The following RNF217 variants were observed in gnomAD, a reference collection of about 807,000 sequenced individuals.
RNF217 encodes the protein ring finger protein 217.
In RNF217, 31 loss-of-function variants were observed where a neutral mutation model predicts 57.8. The observed-to-expected ratio is 0.54, with a 90% confidence interval of 0.40 to 0.72. The LOEUF (loss-of-function observed/expected upper bound fraction) is 0.72, where lower values mean the gene tolerates loss of function less well. Ranked by LOEUF, RNF217 falls within the 30% of genes least tolerant of loss-of-function variation. The probability of loss-of-function intolerance (pLI) is 0.00; values close to 1 mark genes in which losing one functional copy is unlikely to be tolerated. For synonymous variants in RNF217, 313 were observed against 294.0 expected, an observed-to-expected ratio of 1.06 and a Z score of -0.66; for missense variants, 696 against 708.3, an observed-to-expected ratio of 0.98 and a Z score of 0.20.
At chr6:124,986,043 G>T (rs1784353845) in intron 1 of RNF217, among the ~76,000 whole-genome samples, 1 of 152,144 alleles carries the variant, frequency 6.6e-6, no homozygotes, top group South Asian at 2.1e-4. Flanking sequence ...TATAGGTCAT[G>T]AAAGCTAATT....
chr6:124,986,921 A>G (rs1360570266), intron 1 of RNF217, among the ~76,000 whole-genome samples: 2 of 152,166 alleles, frequency 1.3e-5, no homozygotes, highest in South Asian at 4.1e-4. Flanking sequence ...GTTGAACATT[A>G]ATGTTTCCTG....
At chr6:125,036,710 A>G (rs1272787629) in intron 1 of RNF217, among the ~76,000 whole-genome samples, 1 of 152,204 alleles carries the variant, frequency 6.6e-6, no homozygotes, top group East Asian at 1.9e-4. Flanking sequence ...GAAGGATATG[A>G]ACAGACACTT....
chr6:125,055,490 T>A lies in RNF217; in HGVS notation c.1117-2452T>A, dbSNP rs149664057. ...TTCACAAATGTGATAGTTCAGCACT[T>A]AATCACAAAGATCTTTGAGTCATTA... is the stretch of plus-strand genomic sequence containing the variant. On this transcript the variant is annotated intron_variant, in intron 2 of 5. Transcript: ENST00000521654. 1.8e-3 allele frequency among the ~76,000 whole-genome samples: 269 copies of A among 152,320 alleles called. 1 individual carries two copies. Among genetic ancestry groups the A allele is most frequent in the African/African-American group, 6.1e-3 (254 of 41,580 alleles).
rs775207547 is a variant in RNF217, at chr6:124,963,030, C to G, written c.486C>G (p.Val162=). 1 of 1,592,272 alleles carries G rather than the reference C, an allele frequency of 6.3e-7. No individual in the cohort carries two copies. The highest frequency in any genetic ancestry group is 1.1e-5 in the South Asian group (1 of 90,172). ...QRRPSLAKRQ[V]FCSVYCVESD... ...GCCCGTCCCTCGCCAAGAGACAAGT[C>G]TTCTGCTCCGTGTACTGCGTGGAGA... The change falls in exon 1 of 6, where the codon GTC becomes GTG. Residue 162 remains valine, a synonymous_variant. Transcript: ENST00000521654.
intron 1 of RNF217, among the ~76,000 whole-genome samples, chr6:125,030,466 A>G (rs1157746164): frequency 6.6e-6 from 1 of 152,236 alleles, no homozygotes; most frequent in Non-Finnish European, 1.5e-5. Flanking sequence ...CTTCCTAGAT[A>G]CAATGGGAAT....
At chr6:125,009,558 T>C in intron 1 of RNF217, 1 of 349,788 alleles carries the variant, frequency 2.9e-6, no homozygotes, top group Non-Finnish European at 5.1e-6. Context: ...TGTTGGTGCC[T>C]GGCAGCTGAC....
chr6:124,974,156 A>C (rs562381947), intron 1 of RNF217, among the ~76,000 whole-genome samples: 1 of 152,358 alleles, frequency 6.6e-6, no homozygotes, highest in South Asian at 2.1e-4. Flanking sequence ...TGAGGCAGTC[A>C]TAAGCCTGCC....
chr6:125,021,986 A>G (rs1383107367), intron 1 of RNF217, among the ~76,000 whole-genome samples: 1 of 152,084 alleles, frequency 6.6e-6, no homozygotes, highest in African/African-American at 2.4e-5. Context: ...GGTTCAAGCC[A>G]TTCTCCTGCC....
At position 124,963,356 on chromosome 6, in the gene RNF217, C is replaced by A; in HGVS notation, c.812C>A (p.Pro271His). The change falls in exon 1 of 6, where the codon CCC becomes CAC. Residue 271 changes from proline (P) to histidine (H), a missense_variant. Physicochemically the swap from Pro to His is moderately conservative, Grantham distance 77. This residue lies in a region of RNF217 where 465 missense variants were observed against 386.8 expected (regional missense o/e 1.20). Transcript: ENST00000521654. ...LMCRVCLEDK[P>H]IKPLPCCKKA... Reference sequence around the variant, plus strand: ...TGCCGGGTGTGCCTGGAAGACAAGCCCATCAAGCCCCTGCCTTGCTGCAAG... The same window carrying A: ...TGCCGGGTGTGCCTGGAAGACAAGCACATCAAGCCCCTGCCTTGCTGCAAG... 6.5e-7 allele frequency: 1 copy of A among 1,529,734 alleles called. No individual in the cohort carries two copies. Among genetic ancestry groups the A allele is most frequent in the Non-Finnish European group, 8.7e-7 (1 of 1,143,866 alleles). The allele number at this position is 1,529,734 out of a possible 1,614,324, so 94.8% of individuals were successfully genotyped here.
chr6:125,081,337 A>C, intron 4 of RNF217, 99 bp from the exon 5 acceptor site: 1 of 851,568 alleles, frequency 1.2e-6, no homozygotes, highest in Non-Finnish European at 1.9e-6. Context: ...CAGACTACTT[A>C]AAAAATAATA....
At chr6:124,984,707 T>C (rs911479126) in intron 1 of RNF217, among the ~76,000 whole-genome samples, 3 of 152,000 alleles carry the variant, frequency 2.0e-5, no homozygotes, top group African/African-American at 7.3e-5. Flanking sequence ...AGATGTGTAA[T>C]CAAATTTTAA....
At chr6:125,056,921 C>T (rs1308694778) in intron 2 of RNF217, among the ~76,000 whole-genome samples, 1 of 152,116 alleles carries the variant, frequency 6.6e-6, no homozygotes, top group Non-Finnish European at 1.5e-5. Context: ...AAGTGGAAGA[C>T]AGATATTCAT....
At position 125,076,636 on chromosome 6, in the gene RNF217, T is replaced by C. The variant is rs1355394488; in HGVS notation, c.1282-21T>C. 3 of 1,569,006 alleles carry C rather than the reference T, an allele frequency of 1.9e-6. No homozygotes were observed. In the African/African-American group the frequency reaches 4.1e-5, roughly 21 times the overall value. On this transcript the variant is annotated intron_variant, in intron 3 of 5. Transcript: ENST00000521654. ...AACTCAGCTAACTCTTTCCTTCTCC[T>C]TCCCTCTCTTGCTGATACAGATCCA...
rs1787060176 is a variant in RNF217 at position 125,045,444 on chromosome 6, A to G, written c.1116A>G (p.Lys372=). ...PTPSRSESKY[K]IQCPTCQFVW... is the part of the protein sequence containing the mutation. ...CTTCCAGATCAGAAAGCAAATACAA[A>G]GTAAGCATTTTCACCAGAGCTGTGG... The change falls in exon 2 of 6, where the codon AAA becomes AAG. Residue 372 remains lysine, a splice_region_variant and synonymous_variant. Transcript: ENST00000521654. The G allele has an allele frequency of 6.2e-7, 1 of 1,609,474 alleles. No homozygotes were observed. The highest frequency in any genetic ancestry group is 1.1e-5 in the South Asian group (1 of 90,748).
intron 1 of RNF217, among the ~76,000 whole-genome samples, chr6:124,969,634 T>C (rs1783686871): frequency 6.6e-6 from 1 of 152,194 alleles, no homozygotes; most frequent in African/African-American, 2.4e-5. Flanking sequence ...AATTCTAATT[T>C]ACTTATGTAT....
intron 1 of RNF217, chr6:125,009,289 T>A: frequency 6.3e-7 from 1 of 1,578,356 alleles, no homozygotes; most frequent in Non-Finnish European, 8.7e-7. Context: ...GAAGGTAAAG[T>A]ACATAGATGA....
At chr6:125,036,604 A>C (rs1328286323) in intron 1 of RNF217, among the ~76,000 whole-genome samples, 3 of 152,146 alleles carry the variant, frequency 2.0e-5, no homozygotes, top group East Asian at 3.9e-4. Flanking sequence ...AGTGGGAGAA[A>C]ATTTTTGCAA....
intron 3 of RNF217, among the ~76,000 whole-genome samples, chr6:125,070,505 C>T (rs1788093852): frequency 6.6e-6 from 1 of 152,170 alleles, no homozygotes; most frequent in African/African-American, 2.4e-5. Context: ...ACACCAACAT[C>T]TATTGTTTTT....
intron 1 of RNF217, among the ~76,000 whole-genome samples, chr6:124,977,035 A>C (rs1015209068): frequency 2.0e-5 from 3 of 152,222 alleles, no homozygotes; most frequent in African/African-American, 7.2e-5. Context: ...CTGTTCATAC[A>C]TGCTTTTCTC....
Sources: allele counts gnomAD v4.1 joint callset (sites outside exome capture counted in the v4.1 genomes callset), GRCh38; gene constraint gnomAD v4.1.1; regional missense constraint gnomAD v4.1.1; transcripts MANE v1.5; gene names NCBI Gene and HGNC (gene_info 2026-07-23, HGNC 2026-07-21).